The following EPG5 variants were observed in gnomAD, a reference collection of about 807,000 sequenced individuals.
EPG5 encodes the protein ectopic P granules protein 5 homolog.
Under a neutral mutation model 302.7 loss-of-function variants are expected in EPG5, and 159 were observed. The observed-to-expected ratio is 0.53, with a 90% confidence interval of 0.46 to 0.60. The LOEUF (loss-of-function observed/expected upper bound fraction) is 0.60. Ranked by LOEUF, EPG5 falls within the 20% of genes least tolerant of loss-of-function variation. EPG5 has a pLI of 0.00. For missense variants in EPG5, 2,896 were observed against 3,092.4 expected (o/e 0.94, Z 1.51); for synonymous variants, 1,158 against 1,136.8 (o/e 1.02, Z -0.37).
chr18:45,957,384 G>C (rs180700129), intron 1 of EPG5, among the ~76,000 whole-genome samples: 48 of 152,234 alleles, frequency 3.2e-4, no homozygotes, highest in African/African-American at 1.1e-3. Flanking sequence ...AAACTACTTT[G>C]TTAAACTGCC....
Position 45,948,511 on chromosome 18 carries a change from A to G in EPG5, c.1563T>C (p.Ser521=), listed in dbSNP as rs2050836189. 8 of 1,612,912 alleles carry G rather than the reference A, an allele frequency of 5.0e-6. No homozygotes were observed. Among genetic ancestry groups the G allele is most frequent in the Non-Finnish European group, 6.8e-6 (8 of 1,178,934 alleles). The stretch of plus-strand genomic sequence containing the variant: ...AGCTCTTGCACACTTACTTGACAGG[A>G]GACATCAGCAGGGCAAGGGATTGCA... The part of the protein sequence containing the change: ...HFMQSLALLM[S]PVKNRAEFMC... The change falls in exon 6 of 44, where the codon TCT becomes TCC. Residue 521 remains serine, a synonymous_variant. Transcript: ENST00000282041.
chr18:45,838,632 A>G, the EPG5 span: 2 of 1,432,212 alleles, frequency 1.4e-6, no homozygotes. Flanking sequence ...CTCCCTTCTG[A>G]CCAGCCCCCA....
intron 28 of EPG5, among the ~76,000 whole-genome samples, chr18:45,888,890 T>C (rs2145483771): frequency 6.6e-6 from 1 of 152,364 alleles, no homozygotes; most frequent in African/African-American, 2.4e-5. Flanking sequence ...CTTTATATAA[T>C]TTTTTTAAAC....
In EPG5 at chr18:45,865,765, C is replaced by CAAAAAAAAAAAAA. The variant is rs11333207; in HGVS notation, c.6622-19_6622-7dup. On this transcript the variant is annotated splice_region_variant and splice_polypyrimidine_tract_variant and intron_variant, in intron 38 of 43. Transcript: ENST00000282041. ...TGGCATTTTGGAACTGCATCCTGACCAAAAAAAAAAAAAAAAATCATTCAA... is the reference window on the plus strand; with the variant it reads ...TGGCATTTTGGAACTGCATCCTGACCAAAAAAAAAAAAAAAAAAAAAAAAAAAAAATCATTCAA... 67 of 1,411,738 alleles carry CAAAAAAAAAAAAA rather than the reference C, an allele frequency of 4.7e-5. No homozygotes were observed. The African/African-American group carries it at 8.2e-4, about 17-fold the overall frequency. 87.5% of individuals were successfully genotyped at this position (1,411,738 alleles called of 1,614,324 possible). A position where few individuals can be genotyped will look rare whatever the true frequency, so the allele number is the denominator to read the frequency against.
At chr18:45,939,829 T>C (rs2050623021) in intron 9 of EPG5, 74 bp from the exon 10 acceptor site, 3 of 1,364,398 alleles carry the variant, frequency 2.2e-6, no homozygotes, top group Non-Finnish European at 3.0e-6. Flanking sequence ...ATTTCCAACA[T>C]TCATTTATTC....
At chr18:45,896,280 T>G (rs919546551) in intron 27 of EPG5, among the ~76,000 whole-genome samples, 16 of 152,260 alleles carry the variant, frequency 1.1e-4, no homozygotes, top group African/African-American at 3.9e-4. Flanking sequence ...TTATTGATAC[T>G]GAACTTCTAG....
At chr18:45,898,242 C>T (rs776428486) in intron 27 of EPG5, among the ~76,000 whole-genome samples, 12 of 152,156 alleles carry the variant, frequency 7.9e-5, no homozygotes, top group African/African-American at 1.9e-4. Flanking sequence ...GCTCTGGAGC[C>T]GGACTGCCTG....
chr18:45,913,755 T>C lies in EPG5; in HGVS notation c.3767A>G (p.Glu1256Gly), dbSNP rs766928627. 1.8e-5 allele frequency: 29 copies of C among 1,614,000 alleles called. No homozygotes were observed. The Admixed American group carries it at 4.8e-4, about 27-fold the overall frequency. ...EEDSQLRRVI[E>G]GELVINSAFT... ...AGCAGAGTTTATCACCAATTCCCCT[T>C]CAATAACTCTCCGGAGCTGGGAGTC... is the stretch of plus-strand genomic sequence containing the variant. The change falls in exon 21 of 44, where the codon GAA becomes GGA. Residue 1256 changes from glutamate (E) to glycine (G), a missense_variant. Transcript: ENST00000282041.
At chr18:45,967,010 G>A (rs925921043) in intron 1 of EPG5, among the ~76,000 whole-genome samples, 167 bp downstream of exon 1, 1 of 152,162 alleles carries the variant, frequency 6.6e-6, no homozygotes, top group Non-Finnish European at 1.5e-5. Context: ...AAGGAATGGA[G>A]GAGAAGGGCC....
downstream of EPG5, among the ~76,000 whole-genome samples, chr18:45,844,919 A>C (rs755365090): frequency 3.9e-5 from 6 of 152,190 alleles, no homozygotes; most frequent in Non-Finnish European, 8.8e-5. Flanking sequence ...TGCAATAGGA[A>C]TTATTTCTTA....
At chr18:45,880,248 A>G in intron 31 of EPG5, 25 bp from the exon 32 acceptor site, 2 of 1,544,262 alleles carry the variant, frequency 1.3e-6, no homozygotes, top group South Asian at 1.2e-5. Flanking sequence ...AGGAAGAGCA[A>G]GTCAGTGGCT....
the EPG5 span, among the ~76,000 whole-genome samples, chr18:45,832,179 G>A: frequency 3.3e-5 from 5 of 152,222 alleles, no homozygotes; most frequent in African/African-American, 7.2e-5. Context: ...CTCTACATAC[G>A]TGGTTTCATT....
At chr18:45,819,119 C>G in the EPG5 span, among the ~76,000 whole-genome samples, 1 of 152,076 alleles carries the variant, frequency 6.6e-6, no homozygotes, top group Non-Finnish European at 1.5e-5. Flanking sequence ...ATTTTTTCCC[C>G]AAACTTAGAA....
At position 45,849,335 on chromosome 18, in the gene EPG5, C is replaced by G. The variant is rs575013147; in HGVS notation, c.*3132G>C. 1 of 152,224 alleles carries G rather than the reference C, an allele frequency of 6.6e-6. No homozygotes were observed. The highest frequency in any genetic ancestry group is 1.5e-5 in the Non-Finnish European group (1 of 68,102). 9.4% of individuals were successfully genotyped at this position (152,224 alleles called of 1,614,324 possible). On this transcript the variant is annotated 3_prime_UTR_variant, in exon 44 of 44. Transcript: ENST00000282041. ...CCTGCGGATGGCAGCCTAGGCCTGC[C>G]CATCACAGGCTGGACCACCAGGCAC... is the stretch of plus-strand genomic sequence containing the variant.
intron 27 of EPG5, among the ~76,000 whole-genome samples, chr18:45,896,670 A>T (rs2145553725): frequency 6.6e-6 from 1 of 152,170 alleles, no homozygotes; most frequent in East Asian, 1.9e-4. Flanking sequence ...TCAGCCACCC[A>T]AGTAGCTTGG....
intron 25 of EPG5, among the ~76,000 whole-genome samples, chr18:45,901,754 G>A (rs930035470): frequency 6.7e-6 from 1 of 149,736 alleles, no homozygotes; most frequent in African/African-American, 2.5e-5. Flanking sequence ...GTCCAAATAA[G>A]CAATCCTGTG....
intron 13 of EPG5, among the ~76,000 whole-genome samples, chr18:45,927,014 A>G (rs929327513): frequency 6.6e-6 from 1 of 151,342 alleles, no homozygotes; most frequent in African/African-American, 2.4e-5. Context: ...ATCTTGCAGT[A>G]GCATACAATG....
the EPG5 span, chr18:45,837,967 G>C: frequency 3.6e-6 from 5 of 1,404,160 alleles, no homozygotes; most frequent in Non-Finnish European, 4.6e-6. Context: ...CAAGGGCTAC[G>C]TGGGTGCCAG....
At chr18:45,837,753 G>A in the EPG5 span, 1 of 1,517,374 alleles carries the variant, frequency 6.6e-7, no homozygotes, top group Non-Finnish European at 8.8e-7. Context: ...CGGCTGCTGG[G>A]CAACCCGCGC....
Sources: allele counts gnomAD v4.1 joint callset (sites outside exome capture counted in the v4.1 genomes callset), GRCh38; gene constraint gnomAD v4.1.1; transcripts MANE v1.5; gene names NCBI Gene and HGNC (gene_info 2026-07-23, HGNC 2026-07-21).